Variants in ULK4 observed in about 807,000 individuals in gnomAD.
ULK4 encodes inactive serine/threonine-protein kinase ULK4.
A neutral mutation model predicts 160.6 loss-of-function variants in ULK4; 133 were observed. The ratio of observed to expected loss-of-function variants is 0.83; its 90% CI spans 0.72 to 0.96. ULK4 has a LOEUF of 0.96. ULK4 is among the 40% of genes least tolerant of loss of function. ULK4 has a pLI of 0.00. For synonymous variants in ULK4, 534 were observed against 539.8 expected, an observed-to-expected ratio of 0.99 and a Z score of 0.15; for missense variants, 1,580 against 1,499.5, an observed-to-expected ratio of 1.05 and a Z score of -0.89.
chr3:41,823,181 T>C (rs753100408), intron 18 of ULK4, among the ~76,000 whole-genome samples: 21 of 152,192 alleles, frequency 1.4e-4, no homozygotes, highest in East Asian at 5.8e-4. Flanking sequence ...GAAGGGATTT[T>C]TGAGCACACA....
At chr3:41,442,048 A>T (rs1379826218) in intron 34 of ULK4, among the ~76,000 whole-genome samples, 1 of 152,042 alleles carries the variant, frequency 6.6e-6, no homozygotes, top group African/African-American at 2.4e-5. Context: ...TTTAACCTAC[A>T]TGTGTCTTTA....
chr3:41,317,729 G>A (rs1342314622), intron 35 of ULK4, among the ~76,000 whole-genome samples: 3 of 152,146 alleles, frequency 2.0e-5, no homozygotes, highest in African/African-American at 7.2e-5. Context: ...AGCTGATGCT[G>A]AACAGAATTA....
intron 19 of ULK4, among the ~76,000 whole-genome samples, chr3:41,808,513 C>T (rs73077358): frequency 0.12 from 18,853 of 152,130 alleles, 1,350 homozygotes; most frequent in Middle Eastern, 0.27. Context: ...ATAAGAGTAG[C>T]GGTATTTTCT....
chr3:41,688,922 A>G (rs999099066), intron 27 of ULK4, among the ~76,000 whole-genome samples: 1 of 152,204 alleles, frequency 6.6e-6, no homozygotes, highest in Admixed American at 6.5e-5. Flanking sequence ...CCAGTAGGGA[A>G]GCCAAAACCA....
intron 32 of ULK4, among the ~76,000 whole-genome samples, chr3:41,516,272 G>A (rs182326334): frequency 7.6e-4 from 116 of 152,226 alleles, no homozygotes; most frequent in Admixed American, 3.8e-3. Context: ...GTACAGATTT[G>A]AAAATAAGTA....
intron 1 of ULK4, among the ~76,000 whole-genome samples, chr3:41,959,602 T>G (rs1033339097): frequency 2.6e-5 from 4 of 152,126 alleles, no homozygotes; most frequent in Non-Finnish European, 1.5e-5. Flanking sequence ...TTTCCCTAAG[T>G]CCTTTTTACA....
intron 17 of ULK4, among the ~76,000 whole-genome samples, chr3:41,855,442 G>A (rs1020957621): frequency 3.9e-5 from 6 of 152,102 alleles, no homozygotes; most frequent in Non-Finnish European, 8.8e-5. Context: ...CATTTATCAA[G>A]GGTTATATGA....
At chr3:41,805,450 C>G (rs1387405374) in intron 19 of ULK4, among the ~76,000 whole-genome samples, 3 of 152,202 alleles carry the variant, frequency 2.0e-5, no homozygotes, top group African/African-American at 7.2e-5. Flanking sequence ...TTGACTTCCT[C>G]TTTTCCTAAT....
chr3:41,943,578 G>C (rs1364049290), intron 2 of ULK4, among the ~76,000 whole-genome samples: 4 of 152,128 alleles, frequency 2.6e-5, no homozygotes, highest in Non-Finnish European at 5.9e-5. Flanking sequence ...AAGACAACCT[G>C]CTTTTCAAGT....
rs1056948829 is a variant in ULK4, at chr3:41,322,153, T to A, written c.3679-72579A>T. ...TTCAAGCAGTTGTTGTGCCTCAGCC[T>A]CCTGAGTAGGTGGGACAACGAGTGT... is the stretch of plus-strand genomic sequence containing the variant. On this transcript the variant is annotated intron_variant, in intron 35 of 36. Coordinates refer to ENST00000301831, the MANE Select transcript of ULK4 (RefSeq NM_017886.4). Among the ~76,000 whole-genome samples the A allele has an allele frequency of 1.2e-4, 17 of 144,184 alleles. 3 individuals carry two copies. The highest frequency in any genetic ancestry group is 4.6e-4 in the African/African-American group (17 of 36,876). The allele number at this position is 144,184 out of a possible 152,430, so 94.6% of individuals were successfully genotyped here. A position where few individuals can be genotyped will look rare whatever the true frequency, so the allele number is the denominator to read the frequency against.
intron 35 of ULK4, among the ~76,000 whole-genome samples, chr3:41,366,369 T>C (rs1347929045): frequency 6.6e-6 from 1 of 152,198 alleles, no homozygotes; most frequent in Non-Finnish European, 1.5e-5. Context: ...TTATATATTA[T>C]GATATTGGAA....
chr3:41,377,780 T>C (rs1575487688), intron 35 of ULK4, among the ~76,000 whole-genome samples: 1 of 148,306 alleles, frequency 6.7e-6, no homozygotes, highest in East Asian at 2.1e-4. Context: ...TTGGTGGGAC[T>C]GTAAACTAGT....
intron 32 of ULK4, among the ~76,000 whole-genome samples, chr3:41,516,930 T>G (rs979993415): frequency 5.9e-5 from 9 of 152,186 alleles, no homozygotes; most frequent in African/African-American, 2.2e-4. Flanking sequence ...AATCATCTCA[T>G]GTATCCCATA....
intron 35 of ULK4, among the ~76,000 whole-genome samples, chr3:41,288,935 T>C (rs557551687): frequency 2.0e-5 from 3 of 152,224 alleles, no homozygotes; most frequent in South Asian, 4.1e-4. Flanking sequence ...TCTGTTCAGG[T>C]TCACGATGGA....
chr3:41,560,042 G>C (rs901830328), intron 32 of ULK4, among the ~76,000 whole-genome samples: 5 of 152,088 alleles, frequency 3.3e-5, no homozygotes, highest in Non-Finnish European at 5.9e-5. Flanking sequence ...ATTAATTTTT[G>C]TATAAGCTGT....
intron 35 of ULK4, among the ~76,000 whole-genome samples, chr3:41,296,372 C>T (rs968050926): frequency 6.6e-6 from 1 of 152,126 alleles, no homozygotes; most frequent in East Asian, 1.9e-4. Flanking sequence ...AAGTAGAAAC[C>T]CTCTGGGGAC....
chr3:41,703,836 A>G (rs773023229), intron 27 of ULK4, among the ~76,000 whole-genome samples: 47 of 13,452 alleles, frequency 3.5e-3, no homozygotes, highest in Non-Finnish European at 8.9e-3. Flanking sequence ...ATGCGCATGC[A>G]CACACACACA....
chr3:41,823,348 G>C (rs1353265263), intron 18 of ULK4, among the ~76,000 whole-genome samples: 1 of 152,200 alleles, frequency 6.6e-6, no homozygotes, highest in African/African-American at 2.4e-5. Flanking sequence ...AATTAGGTCA[G>C]ACAGGTTCTG....
intron 35 of ULK4, among the ~76,000 whole-genome samples, chr3:41,292,903 G>A (rs1165196437): frequency 2.0e-5 from 3 of 151,736 alleles, no homozygotes; most frequent in Admixed American, 6.6e-5. Context: ...AAGATTGCAC[G>A]ACTGTACTCC....
Sources: allele counts gnomAD v4.1 joint callset (sites outside exome capture counted in the v4.1 genomes callset), GRCh38; gene constraint gnomAD v4.1.1; transcripts MANE v1.5; gene names NCBI Gene and HGNC (gene_info 2026-07-23, HGNC 2026-07-21).